NLRP5: variants seen among roughly 807,000 people sequenced by gnomAD.
NLRP5 encodes NLR family pyrin domain containing 5, also known as NACHT, LRR and PYD domains-containing protein 5.
A neutral mutation model predicts 113.1 loss-of-function variants in NLRP5; 93 were observed. The ratio of observed to expected loss-of-function variants is 0.82; its 90% CI spans 0.70 to 0.98. The LOEUF (loss-of-function observed/expected upper bound fraction) is 0.98, where lower values mean the gene tolerates loss of function less well. Ranked by LOEUF, NLRP5 falls within the 50% of genes least tolerant of loss-of-function variation. The pLI is 0.00. For synonymous variants in NLRP5, 751 were observed against 600.7 expected, an observed-to-expected ratio of 1.25 and a Z score of -3.66; for missense variants, 1,808 against 1,514.3, an observed-to-expected ratio of 1.19 and a Z score of -3.22.
rs1982570909 is a variant in NLRP5 at position 56,020,418 on chromosome 19, G to A, written c.666G>A (p.Glu222=). The change falls in exon 6 of 15, where the codon GAG becomes GAA. Residue 222 remains glutamate, a synonymous_variant. Coordinates refer to ENST00000390649, the MANE Select transcript of NLRP5 (RefSeq NM_153447.4). ...AACAAGAAGGTGCCACAGCAGCAGA[G>A]ACAGAAGAACAAGGTGAGGAAAATA... The A allele has an allele frequency of 6.2e-7, 1 of 1,613,440 alleles. No individual in the cohort carries two copies. The highest frequency in any genetic ancestry group is 8.5e-7 in the Non-Finnish European group (1 of 1,179,814).
chr19:56,038,222 A>G (rs893331159), intron 10 of NLRP5, 27 bp downstream of exon 10: 3 of 1,579,076 alleles, frequency 1.9e-6, no homozygotes, highest in Non-Finnish European at 2.6e-6. Context: ...TTCCACCAGG[A>G]TTATCGTAAC....
intron 1 of NLRP5, among the ~76,000 whole-genome samples, chr19:56,002,901 T>C (rs987153817): frequency 1.3e-5 from 2 of 152,176 alleles, no homozygotes; most frequent in Non-Finnish European, 2.9e-5. Context: ...GTCTTTGCTA[T>C]TGTGAATAGT....
chr19:55,990,085 T>TCTTTTTC, the NLRP5 span, among the ~76,000 whole-genome samples: 11 of 52,322 alleles, frequency 2.1e-4, no homozygotes, highest in Non-Finnish European at 3.2e-4. Context: ...TTTTCTTTTT[T>TCTTTTTC]TTTTTTTTTT....
intron 11 of NLRP5, among the ~76,000 whole-genome samples, chr19:56,048,966 A>AT (rs57420626): frequency 0.18 from 19,514 of 107,870 alleles, 2,079 homozygotes; most frequent in African/African-American, 0.31. Context: ...TCAAGCTCTG[A>AT]TTTTTTTTTT....
chr19:56,044,468 A>C (rs761902918), intron 11 of NLRP5, among the ~76,000 whole-genome samples: 1 of 152,220 alleles, frequency 6.6e-6, no homozygotes, highest in Non-Finnish European at 1.5e-5. Flanking sequence ...TTTGTCGAAA[A>C]GGGTGTCCTT....
At position 56,058,396 on chromosome 19, in the gene NLRP5, C is replaced by T. The variant is rs1984237496; in HGVS notation, c.3456C>T (p.Asn1152=). ...CGGCCTTTGCCTGTCCCACGTCTAACTTACAGATAATTGGGTAAGTCGCCA... is the reference window on the plus strand; with the variant it reads ...CGGCCTTTGCCTGTCCCACGTCTAATTTACAGATAATTGGGTAAGTCGCCA... Residue 1152 remains asparagine (N), a synonymous_variant, in exon 14 of 15, where the codon AAC becomes AAT. Coordinates refer to ENST00000390649, the MANE Select transcript of NLRP5 (RefSeq NM_153447.4). The T allele has an allele frequency of 3.1e-6, 5 of 1,613,100 alleles. No homozygotes were observed. The highest frequency in any genetic ancestry group is 4.2e-6 in the Non-Finnish European group (5 of 1,179,422).
intron 6 of NLRP5, among the ~76,000 whole-genome samples, chr19:56,024,911 T>C (rs1199352674): frequency 6.6e-6 from 1 of 151,954 alleles, no homozygotes; most frequent in Non-Finnish European, 1.5e-5. Flanking sequence ...GAGCAAAGCT[T>C]CATCTGTATT....
At chr19:56,024,514 T>A (rs2451833) in intron 6 of NLRP5, among the ~76,000 whole-genome samples, 1 of 137,292 alleles carries the variant, frequency 7.3e-6, no homozygotes, top group Non-Finnish European at 1.6e-5. Flanking sequence ...TATGTATATG[T>A]GTATGTATAT....
chr19:56,045,562 A>G (rs562596601), intron 11 of NLRP5, among the ~76,000 whole-genome samples: 1 of 151,568 alleles, frequency 6.6e-6, no homozygotes, highest in South Asian at 2.1e-4. Context: ...CCCTCCTCCG[A>G]CCCCACAACA....
chr19:56,042,818 T>C (rs1476785917), intron 11 of NLRP5, among the ~76,000 whole-genome samples: 1 of 152,232 alleles, frequency 6.6e-6, no homozygotes, highest in African/African-American at 2.4e-5. Context: ...CCTCATAGCT[T>C]AGCTCCCACA....
chr19:56,046,510 T>C (rs1282230977), intron 11 of NLRP5, among the ~76,000 whole-genome samples: 1 of 151,748 alleles, frequency 6.6e-6, no homozygotes, highest in Non-Finnish European at 1.5e-5. Context: ...TTCTCTATCT[T>C]GTGGAATAGT....
chr19:56,024,340 T>TA (rs771516465), intron 6 of NLRP5, among the ~76,000 whole-genome samples: 3,169 of 110,118 alleles, frequency 0.029, 133 homozygotes, highest in African/African-American at 0.094. Context: ...CATCTCTGCT[T>TA]AAAAAAAAAA....
At chr19:56,021,490 C>A (rs1324849755) in intron 6 of NLRP5, among the ~76,000 whole-genome samples, 1 of 152,112 alleles carries the variant, frequency 6.6e-6, no homozygotes, top group Non-Finnish European at 1.5e-5. Context: ...AGTTTCCTCT[C>A]CCTCAAAACT....
At chr19:56,005,407 A>C (rs1981850064) in intron 2 of NLRP5, among the ~76,000 whole-genome samples, 1 of 148,768 alleles carries the variant, frequency 6.7e-6, no homozygotes, top group South Asian at 2.1e-4. Flanking sequence ...ACACATATAC[A>C]CATATATTTT....
chr19:56,022,284 A>G lies in NLRP5; in HGVS notation c.679+1853A>G, dbSNP rs184225454. On this transcript the variant is annotated intron_variant, in intron 6 of 14. Transcript: ENST00000390649. ...GCCCAGGCTGAAGTACAGTGGCACA[A>G]TCACAGCTCACTGCAGCCCCTAACT... Among the ~76,000 whole-genome samples, 241 of 152,302 alleles carry G rather than the reference A, an allele frequency of 1.6e-3. 5 individuals carry two copies. Among genetic ancestry groups the G allele is most frequent in the Admixed American group, 2.6e-3 (39 of 15,288 alleles).
At chr19:55,995,775 T>A (rs1337476136), upstream of NLRP5, among the ~76,000 whole-genome samples, 1 of 152,156 alleles carries the variant, frequency 6.6e-6, no homozygotes, top group Non-Finnish European at 1.5e-5. Context: ...TTCTGTGGGT[T>A]TTACTATAGA....
In NLRP5 at chr19:56,032,332, G is replaced by A. The variant is rs985922573; in HGVS notation, c.2277-279G>A. 6.8e-5 allele frequency among the ~76,000 whole-genome samples: 10 copies of A among 147,238 alleles called. No individual in the cohort carries two copies. The South Asian group carries it at 8.7e-4, about 13-fold the overall frequency. On this transcript the variant is annotated intron_variant, in intron 7 of 14. Transcript: ENST00000390649. ...TGCGCTCCAGCCTGGGCAACGGAGC[G>A]AGACTCCATCTCAAAAAAAAAAAAA...
chr19:55,996,230 C>T (rs1342956036), upstream of NLRP5, among the ~76,000 whole-genome samples: 1 of 152,148 alleles, frequency 6.6e-6, no homozygotes, highest in Non-Finnish European at 1.5e-5. Context: ...AGGGAAAAGG[C>T]TTTCTTCTTT....
At chr19:56,036,073 T>TC (rs1272551279) in intron 9 of NLRP5, among the ~76,000 whole-genome samples, 1 of 140,820 alleles carries the variant, frequency 7.1e-6, no homozygotes, top group Non-Finnish European at 1.5e-5. Context: ...TTTTTTTTTT[T>TC]TTTTTTTGGA....
Sources: gnomAD v4.1 joint callset for allele counts (sites outside exome capture counted in the v4.1 genomes callset) on GRCh38, gnomAD v4.1.1 for gene constraint, MANE v1.5 for transcripts, NCBI Gene and HGNC (gene_info 2026-07-23, HGNC 2026-07-21) for gene names.